CRACR2A: variants seen among roughly 807,000 people sequenced by gnomAD.
The protein encoded by CRACR2A is calcium release activated channel regulator 2A.
A neutral mutation model predicts 90.5 loss-of-function variants in CRACR2A; 79 were observed. The observed-to-expected ratio is 0.87, with a 90% confidence interval of 0.73 to 1.05. The LOEUF is 1.05. CRACR2A is among the 50% of genes least tolerant of loss of function. The pLI, the probability that CRACR2A is intolerant of heterozygous loss-of-function variation, is 0.00. For missense variants in CRACR2A, 823 were observed against 897.2 expected, an observed-to-expected ratio of 0.92 and a Z score of 1.06; for synonymous variants, 338 against 356.7, an observed-to-expected ratio of 0.95 and a Z score of 0.59.
In CRACR2A at chr12:3,629,418, G is replaced by C. The variant is rs561546082; in HGVS notation, c.1736-1712C>G. ...TGAGTTTTCTTCCTGGCTAGAAGTGGAGGGGCTGTCCCGGTCTGTGCTCTG... is the reference window on the plus strand; with the variant it reads ...TGAGTTTTCTTCCTGGCTAGAAGTGCAGGGGCTGTCCCGGTCTGTGCTCTG... On this transcript the variant is annotated intron_variant, in intron 15 of 19. Transcript: ENST00000440314. Among the ~76,000 whole-genome samples, 10 of 152,354 alleles carry C rather than the reference G, an allele frequency of 6.6e-5. No individual in the cohort carries two copies. The South Asian group carries it at 1.9e-3, about 28-fold the overall frequency.
At chr12:3,735,139 T>C (rs1946430518) in intron 1 of CRACR2A, among the ~76,000 whole-genome samples, 2 of 152,252 alleles carry the variant, frequency 1.3e-5, no homozygotes, top group South Asian at 2.1e-4. Context: ...TTTCATAATA[T>C]ACACATATAT....
At chr12:3,651,718 G>C (rs1238981491) in intron 10 of CRACR2A, among the ~76,000 whole-genome samples, 1 of 152,132 alleles carries the variant, frequency 6.6e-6, no homozygotes, top group Non-Finnish European at 1.5e-5. Flanking sequence ...GCAGTAGCAC[G>C]GGGCAGCAAG....
intron 17 of CRACR2A, among the ~76,000 whole-genome samples, chr12:3,620,750 C>G (rs1944114439): frequency 6.6e-6 from 1 of 152,208 alleles, no homozygotes; most frequent in Non-Finnish European, 1.5e-5. Flanking sequence ...AAAATGGTAT[C>G]TATTGGTCAG....
At chr12:3,690,750 T>C (rs543354480) in intron 4 of CRACR2A, among the ~76,000 whole-genome samples, 30 of 152,318 alleles carry the variant, frequency 2.0e-4, no homozygotes, top group African/African-American at 7.0e-4. Flanking sequence ...TCTAATACTG[T>C]CAGTGGGGTG....
At chr12:3,667,487 C>T (rs917289937) in intron 7 of CRACR2A, among the ~76,000 whole-genome samples, 1 of 152,154 alleles carries the variant, frequency 6.6e-6, no homozygotes, top group Non-Finnish European at 1.5e-5. Flanking sequence ...GACTCCCATT[C>T]CCCCATGTTA....
rs556938822 is a variant in CRACR2A at position 3,746,489 on chromosome 12, T to C, written c.-387+6526A>G. On this transcript the variant is annotated intron_variant, in intron 1 of 19. Transcript: ENST00000440314. The surrounding 1 kb of genome is among the most constrained non-coding windows in gnomAD (Gnocchi z 4.4). ...AGGACACAAAAAGAAAGTGGCTTTCTGCAAGCCAAGGAGAGAACCTTCACC... is the reference window on the plus strand; with the variant it reads ...AGGACACAAAAAGAAAGTGGCTTTCCGCAAGCCAAGGAGAGAACCTTCACC... Among the ~76,000 whole-genome samples the C allele has an allele frequency of 6.6e-6, 1 of 152,148 alleles. No homozygotes were observed. The highest frequency in any genetic ancestry group is 1.5e-5 in the Non-Finnish European group (1 of 67,982).
chr12:3,665,332 T>C (rs374414424), intron 7 of CRACR2A, among the ~76,000 whole-genome samples: 47 of 152,332 alleles, frequency 3.1e-4, no homozygotes, highest in African/African-American at 1.1e-3. Context: ...GACACAGGTA[T>C]GGTTGCCTCA....
chr12:3,681,177 G>T (rs1292689486), intron 4 of CRACR2A, among the ~76,000 whole-genome samples: 2 of 152,180 alleles, frequency 1.3e-5, no homozygotes, highest in African/African-American at 4.8e-5. Context: ...AGGGGATATG[G>T]GATAATCCCC....
intron 7 of CRACR2A, among the ~76,000 whole-genome samples, chr12:3,671,827 T>G (rs533035011): frequency 5.9e-5 from 9 of 152,352 alleles, no homozygotes; most frequent in Non-Finnish European, 7.3e-5. Context: ...AATACTTACA[T>G]GCATTATTTC....
At chr12:3,628,441 C>T (rs1047122358) in intron 15 of CRACR2A, among the ~76,000 whole-genome samples, 1 of 152,068 alleles carries the variant, frequency 6.6e-6, no homozygotes, top group African/African-American at 2.4e-5. Context: ...AAATCACAGG[C>T]AACTTTCACC....
intron 1 of CRACR2A, among the ~76,000 whole-genome samples, chr12:3,749,795 TTGTGTGTG>T (rs200387314): frequency 0.024 from 3,492 of 144,590 alleles, 61 homozygotes; most frequent in East Asian, 0.033. Context: ...TGCTGTTTCT[TTGTGTGTG>T]TGTGTGTGTG....
chr12:3,699,674 G>A (rs564611072), intron 3 of CRACR2A, among the ~76,000 whole-genome samples: 24 of 152,280 alleles, frequency 1.6e-4, no homozygotes, highest in South Asian at 1.0e-3. Flanking sequence ...GTAACAACAG[G>A]TGATGCATGA....
intron 12 of CRACR2A, among the ~76,000 whole-genome samples, chr12:3,643,895 A>T (rs1442102513): frequency 8.2e-5 from 8 of 97,928 alleles, no homozygotes; most frequent in African/African-American, 1.6e-4. Flanking sequence ...TTAATATATA[A>T]TATATATTAT....
rs1324352246 is a variant in CRACR2A, at chr12:3,648,062, C to T, written c.1118+480G>A. 1.4e-5 allele frequency: 14 copies of T among 991,962 alleles called. No homozygotes were observed. The East Asian group carries it at 6.5e-4, about 46-fold the overall frequency. The allele number at this position is 991,962 out of a possible 1,614,324, so 61.4% of individuals were successfully genotyped here. A position where few individuals can be genotyped will look rare whatever the true frequency, so the allele number is the denominator to read the frequency against. ...ACATGAACAGAACACAGCCGAGTTACGGATTTCCATTCTGGCCCCATCAGA... is the reference window on the plus strand; with the variant it reads ...ACATGAACAGAACACAGCCGAGTTATGGATTTCCATTCTGGCCCCATCAGA... On this transcript the variant is annotated intron_variant, in intron 11 of 19. Transcript: ENST00000440314.
chr12:3,677,992 T>C (rs1180293716), intron 6 of CRACR2A, among the ~76,000 whole-genome samples: 1 of 152,168 alleles, frequency 6.6e-6, no homozygotes, highest in Non-Finnish European at 1.5e-5. Context: ...TTTTATCATT[T>C]TCCACCCTAG....
At chr12:3,676,652 G>A (rs958023693) in intron 6 of CRACR2A, among the ~76,000 whole-genome samples, 1 of 152,186 alleles carries the variant, frequency 6.6e-6, no homozygotes, top group Non-Finnish European at 1.5e-5. Flanking sequence ...CCTCATCAGA[G>A]AGCAAATCTG....
At chr12:3,628,268 G>T (rs941869935) in intron 15 of CRACR2A, among the ~76,000 whole-genome samples, 2 of 149,476 alleles carry the variant, frequency 1.3e-5, no homozygotes, top group African/African-American at 5.0e-5. Flanking sequence ...AATTCTTTCA[G>T]AGGCCCCCTA....
At chr12:3,646,392 T>C (rs915310873) in intron 11 of CRACR2A, among the ~76,000 whole-genome samples, 1 of 152,206 alleles carries the variant, frequency 6.6e-6, no homozygotes, top group African/African-American at 2.4e-5. Flanking sequence ...CTGATCATCA[T>C]AATGCAGCCA....
chr12:3,659,730 A>C (rs1032801819), intron 7 of CRACR2A, 76 bp from the exon 8 acceptor site: 1 of 1,187,524 alleles, frequency 8.4e-7, no homozygotes. Context: ...CTCAGACACC[A>C]GTTCCCCAAC....
Sources: gnomAD v4.1 joint callset for allele counts (sites outside exome capture counted in the v4.1 genomes callset) on GRCh38, gnomAD v4.1.1 for gene constraint, Gnocchi (gnomAD v3.1) non-coding constraint, MANE v1.5 for transcripts, NCBI Gene and HGNC (gene_info 2026-07-23, HGNC 2026-07-21) for gene names.